LMX1A: variants seen among roughly 807,000 people sequenced by gnomAD.
LMX1A encodes the protein LIM homeobox transcription factor 1 alpha, also known as LIM homeobox transcription factor 1-alpha.
LMX1A carries 15 observed loss-of-function variants against 49.1 expected under a neutral mutation model. The ratio of observed to expected loss-of-function variants is 0.31; its 90% CI spans 0.20 to 0.47. LMX1A has a LOEUF of 0.47. Ranked by LOEUF, LMX1A falls within the 20% of genes least tolerant of loss-of-function variation. The probability of loss-of-function intolerance (pLI) is 1.00; values close to 1 mark genes in which losing one functional copy is unlikely to be tolerated. For synonymous variants in LMX1A, 167 were observed against 185.7 expected (o/e 0.90, Z 0.82); for missense variants, 372 against 475.8 (o/e 0.78, Z 2.03).
At chr1:165,250,432 A>G (rs6694479) in intron 3 of LMX1A, among the ~76,000 whole-genome samples, 37,745 of 152,018 alleles carry the variant, frequency 0.25, 5,385 homozygotes, top group East Asian at 0.57. Context: ...CACTCTTATC[A>G]GCATATAAAA....
chr1:165,236,403 C>T (rs1454621096), intron 4 of LMX1A, among the ~76,000 whole-genome samples: 1 of 151,916 alleles, frequency 6.6e-6, no homozygotes, highest in Non-Finnish European at 1.5e-5. Context: ...TGTGGGTTCT[C>T]TCTCCCCCAC....
intron 3 of LMX1A, among the ~76,000 whole-genome samples, chr1:165,274,944 G>T (rs1378213425): frequency 6.6e-6 from 1 of 152,182 alleles, no homozygotes; most frequent in Non-Finnish European, 1.5e-5. Context: ...CATAGTAGGT[G>T]CTCAATAATT....
intron 6 of LMX1A, among the ~76,000 whole-genome samples, chr1:165,210,334 G>C (rs1319042402): frequency 6.6e-6 from 1 of 152,110 alleles, no homozygotes; most frequent in Non-Finnish European, 1.5e-5. Context: ...AAATTGTCTT[G>C]GACCAGTTAT....
At chr1:165,241,486 G>A (rs575361392) in intron 4 of LMX1A, among the ~76,000 whole-genome samples, 6 of 152,238 alleles carry the variant, frequency 3.9e-5, no homozygotes, top group East Asian at 3.9e-4. Context: ...CCTATTTACC[G>A]ATTAGGAAAT....
chr1:165,347,134 G>A (rs12748775), intron 3 of LMX1A, among the ~76,000 whole-genome samples: 12,522 of 152,184 alleles, frequency 0.082, 695 homozygotes, highest in South Asian at 0.15. Flanking sequence ...AATCCTATGG[G>A]GTATCAAGAC....
chr1:165,294,187 G>C (rs1654553065), intron 3 of LMX1A, among the ~76,000 whole-genome samples: 1 of 152,212 alleles, frequency 6.6e-6, no homozygotes, highest in South Asian at 2.1e-4. Flanking sequence ...GGTCAGCCCT[G>C]CACGGGAAGT....
At chr1:165,322,472 T>C (rs1244681686) in intron 3 of LMX1A, among the ~76,000 whole-genome samples, 1 of 152,182 alleles carries the variant, frequency 6.6e-6, no homozygotes, top group Admixed American at 6.5e-5. Context: ...TGTGTATATA[T>C]ACGGTGGAAT....
intron 3 of LMX1A, among the ~76,000 whole-genome samples, chr1:165,290,505 AT>A (rs939745088): frequency 2.0e-5 from 3 of 152,040 alleles, no homozygotes; most frequent in African/African-American, 7.2e-5. Flanking sequence ...TTGCGATAGC[AT>A]TTCAGGCCCA....
intron 3 of LMX1A, among the ~76,000 whole-genome samples, chr1:165,330,719 C>T (rs1195525261): frequency 1.3e-5 from 2 of 152,160 alleles, no homozygotes; most frequent in Non-Finnish European, 2.9e-5. Flanking sequence ...CTAAGAAACT[C>T]AGATGGAAAA....
At chr1:165,228,103 A>G (rs1652101549) in intron 4 of LMX1A, among the ~76,000 whole-genome samples, 1 of 152,246 alleles carries the variant, frequency 6.6e-6, no homozygotes, top group African/African-American at 2.4e-5. Flanking sequence ...GCATGATCTA[A>G]GTCATTTTAG....
chr1:165,267,328 C>T (rs772036036), intron 3 of LMX1A, among the ~76,000 whole-genome samples: 8 of 152,136 alleles, frequency 5.3e-5, no homozygotes, highest in Non-Finnish European at 1.2e-4. Context: ...TAGCATATAT[C>T]GAGGTACATG....
intron 2 of LMX1A, among the ~76,000 whole-genome samples, chr1:165,353,693 GT>G (rs1234757798): frequency 6.6e-6 from 1 of 152,144 alleles, no homozygotes; most frequent in African/African-American, 2.4e-5. Flanking sequence ...ATTTTTCTTT[GT>G]TAAAACGCAG....
intron 3 of LMX1A, among the ~76,000 whole-genome samples, chr1:165,261,728 A>C (rs913917879): frequency 6.6e-6 from 1 of 152,218 alleles, no homozygotes; most frequent in African/African-American, 2.4e-5. Context: ...AAATTCTAAC[A>C]TACACTACAA....
intron 3 of LMX1A, among the ~76,000 whole-genome samples, chr1:165,275,756 A>C (rs1327643432): frequency 6.6e-6 from 1 of 152,112 alleles, no homozygotes; most frequent in Non-Finnish European, 1.5e-5. Context: ...TATAGGGATG[A>C]AAATGTGCAG....
At chr1:165,344,295 A>T (rs753856954) in intron 3 of LMX1A, among the ~76,000 whole-genome samples, 1 of 152,236 alleles carries the variant, frequency 6.6e-6, no homozygotes, top group Non-Finnish European at 1.5e-5. Context: ...CTATGCCTGC[A>T]TCCCTGTGAA....
At chr1:165,280,765 C>T (rs914921899) in intron 3 of LMX1A, among the ~76,000 whole-genome samples, 37 of 152,066 alleles carry the variant, frequency 2.4e-4, no homozygotes, top group Non-Finnish European at 1.6e-4. Context: ...ATATCTGGGG[C>T]CAAACACAAA....
chr1:165,247,311 A>G (rs534794312), intron 4 of LMX1A, among the ~76,000 whole-genome samples: 41 of 152,238 alleles, frequency 2.7e-4, no homozygotes, highest in South Asian at 2.1e-3. Flanking sequence ...TCTAATCACC[A>G]TAACACCTAA....
At chr1:165,280,680 T>C (rs1462378973) in intron 3 of LMX1A, among the ~76,000 whole-genome samples, 1 of 152,204 alleles carries the variant, frequency 6.6e-6, no homozygotes, top group African/African-American at 2.4e-5. Context: ...CATGCATTTG[T>C]GGTTTAGTCT....
At chr1:165,217,352 C>T (rs184782569) in intron 4 of LMX1A, among the ~76,000 whole-genome samples, 2 of 152,258 alleles carry the variant, frequency 1.3e-5, no homozygotes, top group East Asian at 1.9e-4. Context: ...GTGTACATCC[C>T]CCAAAGAACT....
Sources: gnomAD v4.1 joint callset for allele counts (sites outside exome capture counted in the v4.1 genomes callset) on GRCh38, gnomAD v4.1.1 for gene constraint, MANE v1.5 for transcripts, NCBI Gene and HGNC (gene_info 2026-07-23, HGNC 2026-07-21) for gene names.